TBC1D28: variants seen among roughly 807,000 people sequenced by gnomAD.
TBC1D28 encodes the protein TBC1 domain family, member 28.
TBC1D28 carries 20 observed loss-of-function variants against 29.2 expected under a neutral mutation model. The ratio of observed to expected loss-of-function variants is 0.68; its 90% CI spans 0.48 to 0.99. The LOEUF (loss-of-function observed/expected upper bound fraction) is 0.99. Ranked by LOEUF, TBC1D28 falls within the 50% of genes least tolerant of loss-of-function variation. The probability of loss-of-function intolerance (pLI) is 0.00; values close to 1 mark genes in which losing one functional copy is unlikely to be tolerated. For missense variants in TBC1D28, 205 were observed against 243.7 expected, an observed-to-expected ratio of 0.84 and a Z score of 1.06; for synonymous variants, 65 against 90.9, an observed-to-expected ratio of 0.71 and a Z score of 1.62.
downstream of TBC1D28, among the ~76,000 whole-genome samples, chr17:18,634,729 CG>C (rs1597477859): frequency 1.3e-5 from 2 of 152,380 alleles, no homozygotes; most frequent in South Asian, 4.1e-4. Flanking sequence ...GAAAGCAGCC[CG>C]AGGGATTCGG....
At chr17:18,642,461 G>A (rs889001031), upstream of TBC1D28, 1 of 152,018 alleles carries the variant, frequency 6.6e-6, no homozygotes. Context: ...TTGGAATCTA[G>A]GGTAGAGAGG....
In TBC1D28 at chr17:18,637,864, T is replaced by C. The variant is rs760837111; in HGVS notation, c.497A>G (p.Lys166Arg). 90 of 1,613,638 alleles carry C rather than the reference T, an allele frequency of 5.6e-5. 1 individual carries two copies. The stretch of plus-strand genomic sequence containing the variant: ...CCCCTGCAAGCCCCATTGGCCTTAC[T>C]TGACTCCGAATCTTTGTATGAACAT... The change falls in exon 8 of 9, where the codon AAG becomes AGG. Residue 166 changes from lysine (K) to arginine (R), a missense_variant and splice_region_variant. Coordinates refer to ENST00000345096, the Ensembl canonical transcript of TBC1D28.
At chr17:18,636,595 T>C in exon 9 of TBC1D28, 1 of 1,610,848 alleles carries the variant, frequency 6.2e-7, no homozygotes, top group Non-Finnish European at 8.5e-7. Flanking sequence ...TAATTCCTGC[T>C]GCCTAGAAAA....
intron 5 of TBC1D28, chr17:18,638,945 G>T: frequency 2.5e-6 from 2 of 804,340 alleles, no homozygotes; most frequent in Non-Finnish European, 3.9e-6. Context: ...CCTTCAGCTG[G>T]GGTCTTGGTT....
rs1229676828 is a variant in TBC1D28 at position 18,641,097 on chromosome 17, C to T, written c.83G>A (p.Arg28Gln). Residue 28 changes from arginine to glutamine, a missense_variant, in exon 4 of 9, where the codon CGA (arginine) becomes CAA (glutamine). Coordinates refer to ENST00000345096, the Ensembl canonical transcript of TBC1D28. ...CCCCAAGTCCACTGCTGCCCCAGCT[C>T]GGTGTCCCTGAAACCCAGAGGAGGC... 7 of 686,074 alleles carry T rather than the reference C, an allele frequency of 1.0e-5. No individual in the cohort carries two copies. The highest frequency in any genetic ancestry group is 8.9e-5 in the African/African-American group (4 of 44,940). The allele number at this position is 686,074 out of a possible 1,614,324, so 42.5% of individuals were successfully genotyped here.
chr17:18,637,714 T>C, intron 8 of TBC1D28, 150 bp downstream of exon 9: 2 of 1,333,582 alleles, frequency 1.5e-6, no homozygotes, highest in Non-Finnish European at 1.0e-6. Context: ...AGGTGCTCAG[T>C]CCATGGTGCC....
chr17:18,639,429 G>GT (rs2031668367), intron 4 of TBC1D28, among the ~76,000 whole-genome samples: 1 of 128,120 alleles, frequency 7.8e-6, no homozygotes, highest in African/African-American at 3.2e-5. Context: ...CTGGCCCTGG[G>GT]TGGGGGGGAC....
At chr17:18,636,706 C>T (rs1031754660) in intron 8 of TBC1D28, 109 bp from the exon 10 acceptor site, 1 of 1,373,320 alleles carries the variant, frequency 7.3e-7, no homozygotes, top group Non-Finnish European at 1.0e-6. Flanking sequence ...GATGATCCCC[C>T]CAAATAAGCA....
rs1039483097 is a variant in TBC1D28 at position 18,638,031 on chromosome 17, C to T, written c.388-58G>A. On this transcript the variant is annotated intron_variant, in intron 7 of 8. Coordinates refer to ENST00000345096, the Ensembl canonical transcript of TBC1D28. ...TCAGAACAGACAAAAGACTCCCTGC[C>T]CCAAACGGCAGTCATCCCACAGTCA... 3.4e-6 allele frequency: 5 copies of T among 1,486,594 alleles called. No individual in the cohort carries two copies. In the African/African-American group the frequency reaches 4.3e-5, roughly 13 times the overall value. 92.1% of individuals were successfully genotyped at this position (1,486,594 alleles called of 1,614,324 possible).
chr17:18,637,602 C>T (rs1190071758), intron 8 of TBC1D28, among the ~76,000 whole-genome samples: 109 of 150,362 alleles, frequency 7.2e-4, no homozygotes, highest in African/African-American at 2.7e-3. Flanking sequence ...GAGCACTTTT[C>T]ACCATCTGCA....
chr17:18,643,886 G>A (rs990740946), upstream of TBC1D28, among the ~76,000 whole-genome samples: 2 of 152,182 alleles, frequency 1.3e-5, no homozygotes, highest in African/African-American at 4.8e-5. Context: ...CACAGACTTG[G>A]ACCGAGCACC....
intron 8 of TBC1D28, 41 bp from the exon 10 acceptor site, chr17:18,636,638 G>A (rs1241464939): frequency 1.9e-6 from 3 of 1,592,958 alleles, no homozygotes; most frequent in Non-Finnish European, 2.6e-6. Flanking sequence ...TTTTTGTGCA[G>A]ACGCTGTCAA....
At chr17:18,636,799 A>G (rs2031522183) in intron 8 of TBC1D28, among the ~76,000 whole-genome samples, 1 of 144,772 alleles carries the variant, frequency 6.9e-6, no homozygotes, top group South Asian at 2.3e-4. Flanking sequence ...TCGTAGGTGT[A>G]CAGTTGGATC....
At position 18,637,224 on chromosome 17, in the gene TBC1D28, C is replaced by G. The variant is rs1218121191; in HGVS notation, c.498-627G>C. ...GTCGCCTCTGTCTGAAGAGTGGAAC[C>G]CCCTTCCTCCCGAGTTCCCATGTTG... On this transcript the variant is annotated intron_variant, in intron 8 of 8. Coordinates refer to ENST00000345096, the Ensembl canonical transcript of TBC1D28. Among the ~76,000 whole-genome samples, 12 of 107,186 alleles carry G rather than the reference C, an allele frequency of 1.1e-4. 2 individuals carry two copies. Among genetic ancestry groups the G allele is most frequent in the Non-Finnish European group, 1.8e-4 (10 of 56,026 alleles). The allele number at this position is 107,186 out of a possible 152,430, so 70.3% of individuals were successfully genotyped here. A position where few individuals can be genotyped will look rare whatever the true frequency, so the allele number is the denominator to read the frequency against.
At chr17:18,641,341 A>G in exon 3 of TBC1D28, 1 of 1,613,932 alleles carries the variant, frequency 6.2e-7, no homozygotes, top group Non-Finnish European at 8.5e-7. Context: ...CCGGGTCCTC[A>G]TCCATCTCCA....
At chr17:18,641,319 C>A (rs749702542) in exon 3 of TBC1D28, 4 of 1,613,774 alleles carry the variant, frequency 2.5e-6, no homozygotes, top group Admixed American at 3.3e-5. Flanking sequence ...TGCCCCTGGG[C>A]AGGCAGGTTA....
chr17:18,634,540 A>C (rs944058894), downstream of TBC1D28, among the ~76,000 whole-genome samples: 2 of 152,298 alleles, frequency 1.3e-5, no homozygotes, highest in Admixed American at 6.5e-5. Context: ...AAATGATACC[A>C]AAATCTAGGA....
chr17:18,642,072 C>CA (rs895541245), exon 1 of TBC1D28: 1 of 155,644 alleles, frequency 6.4e-6, no homozygotes, highest in Admixed American at 6.5e-5. Context: ...CCGTCCCCCC[C>CA]AGGAATACTC....
intron 2 of TBC1D28, 91 bp downstream of exon 3, chr17:18,641,541 C>G: frequency 6.1e-6 from 4 of 655,748 alleles, no homozygotes; most frequent in Non-Finnish European, 1.1e-5. Context: ...TGACCTCCAA[C>G]CAGTGGTGGG....
Sources: allele counts gnomAD v4.1 joint callset (sites outside exome capture counted in the v4.1 genomes callset), GRCh38; gene constraint gnomAD v4.1.1; transcripts MANE v1.5; gene names NCBI Gene and HGNC (gene_info 2026-07-23, HGNC 2026-07-21).